LCOR: variants seen among roughly 807,000 people sequenced by gnomAD.
LCOR encodes the protein ligand dependent nuclear receptor corepressor, also known as ligand-dependent corepressor.
Under a neutral mutation model 64.4 loss-of-function variants are expected in LCOR, and 14 were observed. The ratio of observed to expected loss-of-function variants is 0.22; its 90% CI spans 0.14 to 0.34. LCOR has a LOEUF of 0.34. LCOR is among the 10% of genes least tolerant of loss of function. The pLI is 1.00. For synonymous variants in LCOR, 643 were observed against 642.5 expected (o/e 1.00, Z -0.01); for missense variants, 1,686 against 1,765.3 (o/e 0.96, Z 0.80).
intron 4 of LCOR, among the ~76,000 whole-genome samples, chr10:96,919,694 C>G (rs957220216): frequency 6.6e-6 from 1 of 152,122 alleles, no homozygotes; most frequent in East Asian, 1.9e-4. Flanking sequence ...AACCACTGTT[C>G]TACTTTTTGT....
intron 4 of LCOR, chr10:96,915,952 G>A: frequency 8.9e-6 from 3 of 335,456 alleles, no homozygotes; most frequent in South Asian, 8.8e-5. Flanking sequence ...GGATGCAGTG[G>A]TGCGTGGCCT....
rs141296765 is a variant in LCOR, at chr10:96,984,352, C to G, written c.3892C>G (p.Pro1298Ala). 1,989 of 1,614,146 alleles carry G rather than the reference C, an allele frequency of 1.2e-3. 1 individual carries two copies. The highest frequency in any genetic ancestry group is 1.6e-3 in the Non-Finnish European group (1,849 of 1,180,040). Residue 1298 changes from proline to alanine, a missense_variant, in exon 8 of 8, where the codon CCA becomes GCA. Pro to Ala is a conservative substitution (Grantham distance 27, BLOSUM62 -1). Around this residue, in one of 3 missense-constraint regions of LCOR, gnomAD observed 1,293 missense variants for 1,410.4 expected, o/e 0.92. Coordinates refer to ENST00000421806, the MANE Select transcript of LCOR (RefSeq NM_001346516.2). ...CAAGGAAGATAGAAACAGTCATCCT[C>G]CAGCAAACCTGCCCACTCCAGCCAG... ...EVKEDRNSHP[P>A]ANLPTPASTR...
At chr10:96,859,366 C>T (rs1472469605) in intron 2 of LCOR, among the ~76,000 whole-genome samples, 3 of 152,136 alleles carry the variant, frequency 2.0e-5, no homozygotes, top group Non-Finnish European at 1.5e-5. Flanking sequence ...CCTGCCACCA[C>T]ATCTGGCTAA....
intron 2 of LCOR, among the ~76,000 whole-genome samples, chr10:96,889,040 A>T (rs1048620970): frequency 2.6e-5 from 4 of 152,218 alleles, no homozygotes; most frequent in East Asian, 1.9e-4. Flanking sequence ...TAAGGTGTGT[A>T]TAATTCAGGA....
At chr10:96,865,626 G>A (rs765160406) in intron 2 of LCOR, among the ~76,000 whole-genome samples, 1 of 152,124 alleles carries the variant, frequency 6.6e-6, no homozygotes, top group African/African-American at 2.4e-5. Context: ...TGTAATCCCA[G>A]CACTTTGGGA....
At chr10:96,912,645 T>TTCCTTCCTTCC (rs370297935) in intron 4 of LCOR, among the ~76,000 whole-genome samples, 1 of 144,298 alleles carries the variant, frequency 6.9e-6, no homozygotes, top group African/African-American at 2.7e-5. Flanking sequence ...CCTTCCTTCC[T>TTCCTTCCTTCC]TTCCTTCTTT....
intron 2 of LCOR, among the ~76,000 whole-genome samples, chr10:96,898,767 ATTCC>A (rs1846584842): frequency 6.6e-6 from 1 of 152,176 alleles, no homozygotes; most frequent in Non-Finnish European, 1.5e-5. Flanking sequence ...GTTTTACAGT[ATTCC>A]TTTGAATATT....
chr10:96,963,021 C>CGT (rs1321569235), intron 7 of LCOR: 1 of 152,190 alleles, frequency 6.6e-6, no homozygotes, highest in African/African-American at 2.4e-5. Flanking sequence ...TTTATTTCAA[C>CGT]GTGCTGGTAG....
At position 96,985,007 on chromosome 10, in the gene LCOR, G is replaced by A; in HGVS notation, c.4547G>A (p.Ser1516Asn). Residue 1516 changes from serine (S) to asparagine (N), a missense_variant, in exon 8 of 8, where the codon AGT (serine) becomes AAT (asparagine). Transcript: ENST00000421806. ...RPQKATNRKQSSGKTRARPST... is the reference protein window; with the variant it reads ...RPQKATNRKQNSGKTRARPST... Reference sequence around the variant, plus strand: ...CAGAAAGCCACGAATAGGAAGCAGAGTAGTGGAAAGACTCGGGCCAGACCC... The same window carrying A: ...CAGAAAGCCACGAATAGGAAGCAGAATAGTGGAAAGACTCGGGCCAGACCC... 1.2e-6 allele frequency: 2 copies of A among 1,614,192 alleles called. No individual in the cohort carries two copies. The highest frequency in any genetic ancestry group is 1.7e-6 in the Non-Finnish European group (2 of 1,180,034).
intron 2 of LCOR, among the ~76,000 whole-genome samples, chr10:96,835,180 G>A (rs1379279565): frequency 6.6e-6 from 1 of 151,744 alleles, no homozygotes; most frequent in Non-Finnish European, 1.5e-5. Flanking sequence ...ATTTACAGGC[G>A]TGAGAGCCAC....
chr10:96,940,533 C>T (rs1403853705), intron 4 of LCOR, among the ~76,000 whole-genome samples: 1 of 111,280 alleles, frequency 9.0e-6, no homozygotes, highest in African/African-American at 3.4e-5. Context: ...GAGCATGCTG[C>T]CTTCAAGCAT....
At chr10:96,852,475 A>G (rs1415131801) in intron 2 of LCOR, among the ~76,000 whole-genome samples, 1 of 152,228 alleles carries the variant, frequency 6.6e-6, no homozygotes, top group Non-Finnish European at 1.5e-5. Flanking sequence ...TATAAGGCAC[A>G]TATGAAACGT....
In LCOR at chr10:96,949,053, A is replaced by G; in HGVS notation, c.-5A>G. On this transcript the variant is annotated 5_prime_UTR_variant, in exon 6 of 8. Transcript: ENST00000421806. ...CCCAATATTCCCCTAGTGGCCCGTGAGATCATGCAGCGAATGATCCAACAA... is the reference window on the plus strand; with the variant it reads ...CCCAATATTCCCCTAGTGGCCCGTGGGATCATGCAGCGAATGATCCAACAA... The G allele has an allele frequency of 6.2e-7, 1 of 1,613,764 alleles. No individual in the cohort carries two copies. The highest frequency in any genetic ancestry group is 8.5e-7 in the Non-Finnish European group (1 of 1,179,800).
chr10:96,967,999 G>C (rs1291924359), intron 7 of LCOR, among the ~76,000 whole-genome samples: 1 of 152,080 alleles, frequency 6.6e-6, no homozygotes, highest in Non-Finnish European at 1.5e-5. Flanking sequence ...CAGTTTATAG[G>C]AATGAGGCTT....
intron 7 of LCOR, chr10:96,958,020 A>G: frequency 9.9e-7 from 1 of 1,006,086 alleles, no homozygotes; most frequent in Non-Finnish European, 1.2e-6. Context: ...AGGAAATCAT[A>G]GAAAGTTTGC....
At chr10:96,889,036 G>A (rs1357029920) in intron 2 of LCOR, among the ~76,000 whole-genome samples, 1 of 152,180 alleles carries the variant, frequency 6.6e-6, no homozygotes, top group Admixed American at 6.5e-5. Flanking sequence ...ATTTTAAGGT[G>A]TGTATAATTC....
At chr10:96,915,498 GGA>G (rs544677877) in intron 4 of LCOR, 144 of 422,948 alleles carry the variant, frequency 3.4e-4, no homozygotes, top group African/African-American at 2.7e-3. Context: ...TCCAGCCTGG[GGA>G]GAGAGTGAGA....
At chr10:96,975,456 G>T (rs1191571556) in intron 7 of LCOR, among the ~76,000 whole-genome samples, 2 of 151,972 alleles carry the variant, frequency 1.3e-5, no homozygotes, top group African/African-American at 4.8e-5. Flanking sequence ...AATATGTATA[G>T]TACAGAGCTC....
At chr10:96,950,440 A>G (rs918635286) in intron 6 of LCOR, among the ~76,000 whole-genome samples, 1 of 152,050 alleles carries the variant, frequency 6.6e-6, no homozygotes, top group African/African-American at 2.4e-5. Context: ...CTTTTCCACA[A>G]ATTGGTAGTT....
Sources: gnomAD v4.1 joint callset for allele counts (sites outside exome capture counted in the v4.1 genomes callset) on GRCh38, gnomAD v4.1.1 for gene constraint, gnomAD v4.1.1 regional missense constraint, MANE v1.5 for transcripts, NCBI Gene and HGNC (gene_info 2026-07-23, HGNC 2026-07-21) for gene names.